Variants in ATP8A2 observed in about 807,000 individuals in gnomAD.
ATP8A2 encodes phospholipid-transporting ATPase IB.
ATP8A2 carries 100 observed loss-of-function variants against 165.6 expected under a neutral mutation model. That is an observed-to-expected ratio of 0.60 (90% CI 0.51 to 0.71). The LOEUF is 0.71. Ranked by LOEUF, ATP8A2 falls within the 30% of genes least tolerant of loss-of-function variation. The probability of loss-of-function intolerance (pLI) is 0.00; values close to 1 mark genes in which losing one functional copy is unlikely to be tolerated. For missense variants in ATP8A2, 1,227 were observed against 1,479.5 expected (o/e 0.83, Z 2.80); for synonymous variants, 543 against 548.8 (o/e 0.99, Z 0.15).
At chr13:25,538,478 G>T (rs1444633369) in intron 7 of ATP8A2, among the ~76,000 whole-genome samples, 1 of 152,036 alleles carries the variant, frequency 6.6e-6, no homozygotes, top group Non-Finnish European at 1.5e-5. Context: ...AAGAACCGTG[G>T]GTGTTTTCTC....
chr13:26,020,189 C>T lies in ATP8A2; in HGVS notation c.*204C>T, dbSNP rs1593727560. ...ACAGGGGAAGCTATCTTTGCCCTCCCAACTCGTCTGCAGTGCTTAGCCTAA... is the reference window on the plus strand; with the variant it reads ...ACAGGGGAAGCTATCTTTGCCCTCCTAACTCGTCTGCAGTGCTTAGCCTAA... On this transcript the variant is annotated 3_prime_UTR_variant, in exon 37 of 37. Transcript: ENST00000381655. The T allele has an allele frequency of 4.4e-5, 26 of 587,184 alleles. No individual in the cohort carries two copies. The East Asian group carries it at 7.1e-4, about 16-fold the overall frequency. The allele number at this position is 587,184 out of a possible 1,614,324, so 36.4% of individuals were successfully genotyped here. A position where few individuals can be genotyped will look rare whatever the true frequency, so the allele number is the denominator to read the frequency against.
At chr13:25,578,972 G>C (rs1316006113) in intron 21 of ATP8A2, 73 bp downstream of exon 21, 6 of 1,045,876 alleles carry the variant, frequency 5.7e-6, no homozygotes, top group Non-Finnish European at 9.0e-6. Flanking sequence ...TGATTTCCAG[G>C]GGCACATTCT....
At chr13:25,764,644 C>T (rs1043595941) in intron 25 of ATP8A2, among the ~76,000 whole-genome samples, 2 of 152,164 alleles carry the variant, frequency 1.3e-5, no homozygotes, top group African/African-American at 2.4e-5. Flanking sequence ...TGGGTGATTC[C>T]GATGCTCACT....
chr13:25,421,493 C>T (rs2034297164), intron 1 of ATP8A2, among the ~76,000 whole-genome samples: 1 of 152,080 alleles, frequency 6.6e-6, no homozygotes, highest in African/African-American at 2.4e-5. Flanking sequence ...TGCCACTGCA[C>T]CTGGGTATTT....
At chr13:25,785,653 G>A (rs1242044136) in intron 27 of ATP8A2, among the ~76,000 whole-genome samples, 1 of 152,138 alleles carries the variant, frequency 6.6e-6, no homozygotes, top group Non-Finnish European at 1.5e-5. Context: ...TCTGAGCACA[G>A]AGCCACTGAT....
intron 35 of ATP8A2, among the ~76,000 whole-genome samples, chr13:26,000,157 G>A (rs1251626504): frequency 2.6e-5 from 4 of 152,176 alleles, no homozygotes; most frequent in East Asian, 3.9e-4. Context: ...GGCCTTCCCT[G>A]AAGGACAGGG....
intron 1 of ATP8A2, among the ~76,000 whole-genome samples, chr13:25,384,430 T>A (rs1204678055): frequency 6.6e-6 from 1 of 152,206 alleles, no homozygotes; most frequent in African/African-American, 2.4e-5. Context: ...CCTTTTCTGG[T>A]GGCAACTCTA....
At chr13:25,996,621 G>A (rs1302419358) in intron 35 of ATP8A2, among the ~76,000 whole-genome samples, 9 of 152,024 alleles carry the variant, frequency 5.9e-5, no homozygotes, top group South Asian at 4.2e-4. Flanking sequence ...GCACTCTGGC[G>A]TTCAAGCAAT....
chr13:25,626,840 G>A (rs769766502), intron 24 of ATP8A2, among the ~76,000 whole-genome samples: 18 of 152,198 alleles, frequency 1.2e-4, no homozygotes, highest in East Asian at 7.7e-4. Flanking sequence ...GAACAAAGGC[G>A]AACAAAGGCA....
intron 9 of ATP8A2, among the ~76,000 whole-genome samples, chr13:25,542,530 A>T (rs2038513773): frequency 6.6e-6 from 1 of 151,660 alleles, no homozygotes; most frequent in African/African-American, 2.4e-5. Context: ...GGCATTTGTT[A>T]TGTTGTTCTG....
At chr13:25,975,528 G>A (rs373412583) in intron 35 of ATP8A2, among the ~76,000 whole-genome samples, 1 of 151,910 alleles carries the variant, frequency 6.6e-6, no homozygotes, top group East Asian at 1.9e-4. Flanking sequence ...CTTGCGGTGA[G>A]CCGAGATCGC....
intron 1 of ATP8A2, among the ~76,000 whole-genome samples, chr13:25,376,674 T>TC (rs1390157539): frequency 5.3e-5 from 8 of 152,236 alleles, no homozygotes; most frequent in African/African-American, 1.4e-4. Flanking sequence ...GTTAGATTTC[T>TC]CCCATGCTGC....
At chr13:25,836,785 C>T (rs1174432728) in intron 28 of ATP8A2, among the ~76,000 whole-genome samples, 7 of 152,102 alleles carry the variant, frequency 4.6e-5, no homozygotes, top group Admixed American at 2.0e-4. Context: ...TTGAGTATAA[C>T]GTCAGGGTGG....
chr13:25,781,238 C>T (rs2044870288), intron 27 of ATP8A2, among the ~76,000 whole-genome samples: 3 of 151,958 alleles, frequency 2.0e-5, no homozygotes, highest in African/African-American at 7.3e-5. Flanking sequence ...CACTGCACTC[C>T]AGCCTGGGTG....
intron 24 of ATP8A2, among the ~76,000 whole-genome samples, chr13:25,672,853 C>G (rs142776983): frequency 6.6e-6 from 1 of 152,040 alleles, no homozygotes; most frequent in Non-Finnish European, 1.5e-5. Flanking sequence ...TATTTGAGAC[C>G]GGAAGAGACT....
intron 33 of ATP8A2, among the ~76,000 whole-genome samples, chr13:25,908,655 G>A (rs1311809468): frequency 6.6e-6 from 1 of 152,190 alleles, no homozygotes; most frequent in East Asian, 1.9e-4. Context: ...GCCTCAAGGG[G>A]GCTGAGCCAA....
intron 25 of ATP8A2, among the ~76,000 whole-genome samples, chr13:25,759,710 C>A (rs1203178136): frequency 6.6e-6 from 1 of 152,154 alleles, no homozygotes; most frequent in Admixed American, 6.5e-5. Context: ...ATTTAAATCC[C>A]AGCCTTCCTA....
chr13:25,999,662 G>T (rs1364005283), intron 35 of ATP8A2, among the ~76,000 whole-genome samples: 2 of 152,196 alleles, frequency 1.3e-5, no homozygotes, highest in Non-Finnish European at 2.9e-5. Context: ...GTGAGTTCAT[G>T]AGGGCAGAGG....
intron 10 of ATP8A2, among the ~76,000 whole-genome samples, chr13:25,545,921 C>T (rs1353377624): frequency 5.3e-5 from 8 of 152,332 alleles, no homozygotes; most frequent in Admixed American, 5.2e-4. Context: ...AGGCATGAGC[C>T]ACAGTTCCCA....
Sources: gnomAD v4.1 joint callset for allele counts (sites outside exome capture counted in the v4.1 genomes callset) on GRCh38, gnomAD v4.1.1 for gene constraint, MANE v1.5 for transcripts, NCBI Gene and HGNC (gene_info 2026-07-23, HGNC 2026-07-21) for gene names.